GPD2: variants seen among roughly 807,000 people sequenced by gnomAD.
The protein encoded by GPD2 is glycerol-3-phosphate dehydrogenase 2, also known as glycerol-3-phosphate dehydrogenase, mitochondrial.
A neutral mutation model predicts 82.4 loss-of-function variants in GPD2; 54 were observed. The observed-to-expected ratio is 0.66, with a 90% CI of 0.53 to 0.82. GPD2 has a LOEUF of 0.82. Among genes scored for constraint, GPD2 ranks in the 40% least tolerant of loss-of-function variants. The probability of loss-of-function intolerance (pLI) is 0.00; values close to 1 mark genes in which losing one functional copy is unlikely to be tolerated. For missense variants in GPD2, 748 were observed against 896.2 expected (o/e 0.83, Z 2.11); for synonymous variants, 288 against 306.1 (o/e 0.94, Z 0.62).
intron 6 of GPD2, among the ~76,000 whole-genome samples, chr2:156,533,299 G>A (rs1685935606): frequency 6.6e-6 from 1 of 152,206 alleles, no homozygotes; most frequent in African/African-American, 2.4e-5. Context: ...AAGCTGAGCA[G>A]TCTTTTTCTC....
At chr2:156,522,610 A>G (rs1685449967) in intron 6 of GPD2, among the ~76,000 whole-genome samples, 1 of 152,006 alleles carries the variant, frequency 6.6e-6, no homozygotes, top group African/African-American at 2.4e-5. Context: ...TATATGCCAT[A>G]TATTTTGCCA....
chr2:156,484,787 C>T (rs1430638398), intron 2 of GPD2, among the ~76,000 whole-genome samples: 1 of 152,150 alleles, frequency 6.6e-6, no homozygotes, highest in East Asian at 1.9e-4. Context: ...TTGTAGTGAG[C>T]CGAGATCGCA....
At chr2:156,401,150 A>C in the GPD2 span, among the ~76,000 whole-genome samples, 1 of 152,182 alleles carries the variant, frequency 6.6e-6, no homozygotes, top group African/African-American at 2.4e-5. Flanking sequence ...CAAAACTTGC[A>C]TTGGCCGGGA....
intron 1 of GPD2, among the ~76,000 whole-genome samples, chr2:156,445,870 G>C (rs566444475): frequency 1.3e-5 from 2 of 152,102 alleles, no homozygotes; most frequent in Non-Finnish European, 2.9e-5. Context: ...GGTTAGGGTA[G>C]GCTCAACCAT....
rs118187196 is a variant in GPD2, at chr2:156,532,058, A to C, written c.662-17550A>C. On this transcript the variant is annotated intron_variant, in intron 6 of 16. Coordinates refer to ENST00000438166, the MANE Select transcript of GPD2 (RefSeq NM_000408.5). Reference sequence around the variant, plus strand: ...TCGTTCAGTTGTTAGGCTGGAGTACAGTGGAGTGATCACAACTCACTGCAG... The same window carrying C: ...TCGTTCAGTTGTTAGGCTGGAGTACCGTGGAGTGATCACAACTCACTGCAG... Among the ~76,000 whole-genome samples, 59 of 152,274 alleles carry C rather than the reference A, an allele frequency of 3.9e-4. No individual in the cohort carries two copies. In the East Asian group the frequency reaches 6.7e-3, roughly 17 times the overall value.
chr2:156,436,217 G>A (rs1688423339), upstream of GPD2, among the ~76,000 whole-genome samples: 1 of 152,250 alleles, frequency 6.6e-6, no homozygotes, highest in African/African-American at 2.4e-5. Flanking sequence ...CTGGGCCGGA[G>A]GAGCCTGGGC....
At chr2:156,493,700 C>T (rs185845044) in intron 2 of GPD2, among the ~76,000 whole-genome samples, 32 of 152,126 alleles carry the variant, frequency 2.1e-4, no homozygotes, top group African/African-American at 6.3e-4. Flanking sequence ...AAGTATTTCT[C>T]GAAAACTTAC....
At chr2:156,470,147 A>G (rs1340790606) in intron 1 of GPD2, among the ~76,000 whole-genome samples, 6 of 152,128 alleles carry the variant, frequency 3.9e-5, no homozygotes, top group Non-Finnish European at 5.9e-5. Context: ...CCCAGGGCTT[A>G]TTCCACAGAG....
At chr2:156,482,577 A>G (rs998267767) in intron 2 of GPD2, among the ~76,000 whole-genome samples, 1 of 152,184 alleles carries the variant, frequency 6.6e-6, no homozygotes, top group African/African-American at 2.4e-5. Flanking sequence ...GGGGGGATAA[A>G]TCTGAATTTT....
At chr2:156,420,758 T>C in the GPD2 span, among the ~76,000 whole-genome samples, 3 of 152,230 alleles carry the variant, frequency 2.0e-5, no homozygotes, top group African/African-American at 7.2e-5. Flanking sequence ...CTAGAGAACT[T>C]CTAAGACATC....
chr2:156,550,179 G>C (rs926498469), intron 7 of GPD2, among the ~76,000 whole-genome samples: 3 of 152,166 alleles, frequency 2.0e-5, no homozygotes, highest in Admixed American at 6.5e-5. Context: ...TTATTGCCCT[G>C]GCTCTAGCGC....
At chr2:156,487,223 C>T (rs898185056) in intron 2 of GPD2, among the ~76,000 whole-genome samples, 1 of 152,058 alleles carries the variant, frequency 6.6e-6, no homozygotes, top group Non-Finnish European at 1.5e-5. Flanking sequence ...GCAGGAGAAT[C>T]GCACAAACCC....
chr2:156,521,620 A>G (rs2105288561), intron 6 of GPD2, among the ~76,000 whole-genome samples: 1 of 152,358 alleles, frequency 6.6e-6, no homozygotes, highest in Admixed American at 6.5e-5. Flanking sequence ...TTGTATGTTT[A>G]AAATTTGAAG....
intron 2 of GPD2, chr2:156,495,688 C>A: frequency 2.4e-6 from 1 of 415,658 alleles, no homozygotes; most frequent in Non-Finnish European, 4.9e-6. Flanking sequence ...ATTGCTAGTA[C>A]TGGGTAAAAA....
At chr2:156,400,350 A>C in the GPD2 span, among the ~76,000 whole-genome samples, 1 of 152,162 alleles carries the variant, frequency 6.6e-6, no homozygotes, top group South Asian at 2.1e-4. Context: ...CGAGGTTTGG[A>C]CCGGGGTTCT....
chr2:156,577,250 G>A (rs183992236), intron 13 of GPD2, among the ~76,000 whole-genome samples: 1 of 152,210 alleles, frequency 6.6e-6, no homozygotes, highest in Admixed American at 6.6e-5. Context: ...GGAAAGCTGA[G>A]GTGGGAGAAT....
At chr2:156,461,091 G>A (rs73018434) in intron 1 of GPD2, among the ~76,000 whole-genome samples, 54 of 151,560 alleles carry the variant, frequency 3.6e-4, no homozygotes, top group African/African-American at 1.2e-3. Flanking sequence ...CCCTGGCTGT[G>A]CCTGTGCCTA....
At chr2:156,412,798 T>C in the GPD2 span, among the ~76,000 whole-genome samples, 4 of 152,158 alleles carry the variant, frequency 2.6e-5, no homozygotes, top group African/African-American at 9.7e-5. Context: ...AATTATACCT[T>C]TTAAAACTAT....
At chr2:156,579,209 TA>T in intron 15 of GPD2, 45 bp downstream of exon 15, 1 of 1,046,000 alleles carries the variant, frequency 9.6e-7, no homozygotes, top group Non-Finnish European at 1.5e-6. Context: ...TAGAAGAATA[TA>T]AAAATATTAG....
Sources: allele counts gnomAD v4.1 joint callset (sites outside exome capture counted in the v4.1 genomes callset), GRCh38; gene constraint gnomAD v4.1.1; transcripts MANE v1.5; gene names NCBI Gene and HGNC (gene_info 2026-07-23, HGNC 2026-07-21).